Variants in ATCAY observed in about 807,000 individuals in gnomAD.
ATCAY encodes the protein ATCAY kinesin light chain interacting caytaxin, also known as caytaxin.
In ATCAY, 22 loss-of-function variants were observed where a neutral mutation model predicts 47.7. The observed-to-expected ratio is 0.46, with a 90% confidence interval of 0.33 to 0.66. The LOEUF (loss-of-function observed/expected upper bound fraction) is 0.66, where lower values mean the gene tolerates loss of function less well. Among genes scored for constraint, ATCAY ranks in the 30% least tolerant of loss-of-function variants. ATCAY has a pLI of 0.02. For missense variants in ATCAY, 452 were observed against 515.0 expected (o/e 0.88, Z 1.18); for synonymous variants, 216 against 207.6 (o/e 1.04, Z -0.35).
At chr19:3,918,964 T>G in intron 11 of ATCAY, 87 bp downstream of exon 11, 2 of 1,509,520 alleles carry the variant, frequency 1.3e-6, no homozygotes, top group Non-Finnish European at 1.8e-6. Flanking sequence ...GGAAGATGGG[T>G]CCTTGTTCAG....
In ATCAY at chr19:3,924,589, C is replaced by T; in HGVS notation, c.1113C>T (p.Ser371=). ...TGTGTCTTTCCCTCCCTAGCATGTC[C>T]TGAGGCGACGTGAGCATAACAAAGG... ...LVSEDQETSM[S] is the part of the protein sequence containing the mutation. Residue 371 remains serine (S), a synonymous_variant, in exon 13 of 13, where the codon TCC becomes TCT. Transcript: ENST00000450849. The T allele has an allele frequency of 1.2e-6, 2 of 1,613,788 alleles. No homozygotes were observed. Among genetic ancestry groups the T allele is most frequent in the Middle Eastern group, 1.6e-4 (1 of 6,062 alleles).
chr19:3,881,047 T>C (rs567129520), intron 1 of ATCAY, 39 bp downstream of exon 1: 73 of 152,224 alleles, frequency 4.8e-4, no homozygotes, highest in African/African-American at 1.7e-3. Flanking sequence ...GGATAAACCG[T>C]CTCCCTGGAA....
intron 7 of ATCAY, 54 bp downstream of exon 7, chr19:3,909,671 G>C: frequency 6.5e-7 from 1 of 1,544,412 alleles, no homozygotes; most frequent in Non-Finnish European, 8.7e-7. Flanking sequence ...TCACACAGGG[G>C]GCTGGACATG....
In ATCAY at chr19:3,910,814, A is replaced by T; in HGVS notation, c.791A>T (p.Asn264Ile). The T allele has an allele frequency of 6.2e-7, 1 of 1,613,726 alleles. No individual in the cohort carries two copies. Among genetic ancestry groups the T allele is most frequent in the Non-Finnish European group, 8.5e-7 (1 of 1,179,810 alleles). The change falls in exon 8 of 13, where the codon AAC (asparagine) becomes ATC (isoleucine). Residue 264 changes from asparagine to isoleucine, a missense_variant. Physicochemically the swap from Asn to Ile is moderately radical, Grantham distance 149. Coordinates refer to ENST00000450849, the MANE Select transcript of ATCAY (RefSeq NM_033064.5). ...YQMIDRRLRK[N>I]LKSLIIVHPS... The stretch of plus-strand genomic sequence containing the variant: ...GCGGCCCCACACAGGTTGCGGAAAA[A>T]CCTGAAGTCCTTGATCATCGTCCAC...
At chr19:3,922,093 T>C in intron 12 of ATCAY, 1 of 695,864 alleles carries the variant, frequency 1.4e-6, no homozygotes, top group Non-Finnish European at 2.6e-6. Context: ...CAAGCCTTTC[T>C]AGCCAGGGTG....
intron 11 of ATCAY, among the ~76,000 whole-genome samples, 170 bp downstream of exon 11, chr19:3,919,047 G>T (rs535154479): frequency 1.3e-5 from 2 of 152,278 alleles, no homozygotes; most frequent in South Asian, 2.1e-4. Flanking sequence ...GGAGGCCGAG[G>T]TGGGCAGATC....
Position 3,910,786 on chromosome 19 carries a change from T to C in ATCAY, c.780-17T>C. The C allele has an allele frequency of 6.2e-7, 1 of 1,613,980 alleles. No individual in the cohort carries two copies. Among genetic ancestry groups the C allele is most frequent in the Non-Finnish European group, 8.5e-7 (1 of 1,179,854 alleles). ...CGCCCCAGGAGCCCATCTTGCTTCC[T>C]TTGCGGCCCCACACAGGTTGCGGAA... is the stretch of plus-strand genomic sequence containing the variant. On this transcript the variant is annotated splice_polypyrimidine_tract_variant and intron_variant, in intron 7 of 12. Coordinates refer to ENST00000450849, the MANE Select transcript of ATCAY (RefSeq NM_033064.5).
chr19:3,900,318 A>G (rs1256135016), intron 2 of ATCAY, among the ~76,000 whole-genome samples: 1 of 151,286 alleles, frequency 6.6e-6, no homozygotes, highest in Admixed American at 6.6e-5. Flanking sequence ...CAGCCTCCAG[A>G]GTAGCTGGGA....
intron 8 of ATCAY, among the ~76,000 whole-genome samples, chr19:3,913,377 G>A (rs540784677): frequency 3.3e-5 from 5 of 152,304 alleles, no homozygotes; most frequent in African/African-American, 1.2e-4. Flanking sequence ...CCTGTGCGGT[G>A]ACATGGAGAG....
chr19:3,905,760 G>A, intron 4 of ATCAY, 105 bp downstream of exon 4: 2 of 1,030,520 alleles, frequency 1.9e-6, no homozygotes, highest in East Asian at 5.0e-5. Flanking sequence ...TGGGGCAGGG[G>A]CTCTAAGCAG....
Position 3,908,375 on chromosome 19 carries a change from G to A in ATCAY, c.647+5G>A. The A allele has an allele frequency of 6.3e-7, 1 of 1,579,220 alleles. No individual in the cohort carries two copies. Among genetic ancestry groups the A allele is most frequent in the Non-Finnish European group, 8.6e-7 (1 of 1,162,230 alleles). ...CATCATGGAGAACCTCTTCCTGTGA[G>A]TCCCCGCCCGCGGCGAGCAGCCTCG... On this transcript the variant is annotated splice_donor_5th_base_variant and intron_variant, in intron 6 of 12. Coordinates refer to ENST00000450849, the MANE Select transcript of ATCAY (RefSeq NM_033064.5).
chr19:3,912,551 C>T (rs990042914), intron 8 of ATCAY, among the ~76,000 whole-genome samples: 4 of 151,900 alleles, frequency 2.6e-5, no homozygotes, highest in Admixed American at 2.6e-4. Flanking sequence ...ACTTCGTGAT[C>T]CGCCTGCCTT....
At chr19:3,903,324 C>G (rs567318848) in intron 3 of ATCAY, among the ~76,000 whole-genome samples, 1 of 151,900 alleles carries the variant, frequency 6.6e-6, no homozygotes, top group Non-Finnish European at 1.5e-5. Context: ...GGCTCTGAAG[C>G]CCCAGATCCC....
chr19:3,918,756 T>G, intron 10 of ATCAY, 50 bp from the exon 11 acceptor site: 3 of 1,603,346 alleles, frequency 1.9e-6, no homozygotes, highest in Non-Finnish European at 1.7e-6. Flanking sequence ...GCCCACCCCT[T>G]GGCCTGGCTG....
chr19:3,911,338 C>G (rs2038921182), intron 8 of ATCAY, among the ~76,000 whole-genome samples: 1 of 152,092 alleles, frequency 6.6e-6, no homozygotes, highest in Non-Finnish European at 1.5e-5. Context: ...TGTACTCCAG[C>G]CTGGATGACA....
intron 11 of ATCAY, among the ~76,000 whole-genome samples, chr19:3,919,874 T>C (rs903968328): frequency 2.0e-5 from 3 of 152,210 alleles, no homozygotes; most frequent in Non-Finnish European, 4.4e-5. Context: ...CCCAATCCAG[T>C]AGACCCTGAG....
chr19:3,915,953 G>A (rs1228260698), intron 9 of ATCAY, among the ~76,000 whole-genome samples: 1 of 151,936 alleles, frequency 6.6e-6, no homozygotes, highest in East Asian at 1.9e-4. Context: ...GCCTCACAAA[G>A]TGCTGGGATT....
At chr19:3,904,673 T>C (rs993899651) in intron 3 of ATCAY, among the ~76,000 whole-genome samples, 13 of 152,060 alleles carry the variant, frequency 8.5e-5, no homozygotes, top group Admixed American at 7.9e-4. Flanking sequence ...CTATTGGATT[T>C]GTTTCCCTGG....
At chr19:3,917,539 C>T (rs1290915245) in intron 9 of ATCAY, among the ~76,000 whole-genome samples, 2 of 127,500 alleles carry the variant, frequency 1.6e-5, no homozygotes, top group African/African-American at 3.0e-5. Context: ...GAGCCAAGAT[C>T]GCACCACTGC....
Sources: allele counts gnomAD v4.1 joint callset (sites outside exome capture counted in the v4.1 genomes callset), GRCh38; gene constraint gnomAD v4.1.1; transcripts MANE v1.5; gene names NCBI Gene and HGNC (gene_info 2026-07-23, HGNC 2026-07-21).